AGMO: variants seen among roughly 807,000 people sequenced by gnomAD.
AGMO encodes glyceryl-ether monooxygenase.
Under a neutral mutation model 60.2 loss-of-function variants are expected in AGMO, and 75 were observed. That is an observed-to-expected ratio of 1.25 (90% CI 1.03 to 1.51). AGMO has a LOEUF of 1.51. Ranked by LOEUF, AGMO falls within the 40% of genes most tolerant of loss-of-function variation. The pLI is 0.00. For synonymous variants in AGMO, 261 were observed against 177.1 expected (o/e 1.47, Z -3.76); for missense variants, 763 against 525.5 (o/e 1.45, Z -4.42).
chr7:15,533,011 C>A (rs1011920411), intron 3 of AGMO, among the ~76,000 whole-genome samples: 2 of 152,008 alleles, frequency 1.3e-5, no homozygotes, highest in African/African-American at 2.4e-5. Flanking sequence ...ACAAAACAAA[C>A]AAAAAATCTT....
At chr7:15,531,228 T>G (rs1301147195) in intron 3 of AGMO, among the ~76,000 whole-genome samples, 1 of 83,942 alleles carries the variant, frequency 1.2e-5, no homozygotes, top group Non-Finnish European at 2.1e-5. Context: ...ATATATATTC[T>G]ATATATATAT....
intron 3 of AGMO, among the ~76,000 whole-genome samples, chr7:15,455,215 T>A (rs1781970121): frequency 6.6e-6 from 1 of 152,106 alleles, no homozygotes; most frequent in Non-Finnish European, 1.5e-5. Context: ...TGTTGTGCAC[T>A]GCTGAGCTAT....
At chr7:15,447,558 T>G (rs763763116) in intron 3 of AGMO, among the ~76,000 whole-genome samples, 3 of 152,122 alleles carry the variant, frequency 2.0e-5, no homozygotes, top group African/African-American at 4.8e-5. Context: ...CTTTTCTTTT[T>G]TCTTTTTTTT....
At chr7:15,348,677 T>C (rs760548971) in intron 12 of AGMO, among the ~76,000 whole-genome samples, 2 of 152,068 alleles carry the variant, frequency 1.3e-5, no homozygotes, top group Non-Finnish European at 2.9e-5. Context: ...TAGAAATAAA[T>C]ATGAGTATAG....
chr7:15,407,507 T>C (rs911532736), intron 5 of AGMO, among the ~76,000 whole-genome samples: 4 of 151,478 alleles, frequency 2.6e-5, no homozygotes. Context: ...AGTAGATGAC[T>C]TAAGGTGATG....
At chr7:15,395,722 A>G (rs534943068) in intron 5 of AGMO, among the ~76,000 whole-genome samples, 5 of 152,230 alleles carry the variant, frequency 3.3e-5, no homozygotes, top group Non-Finnish European at 7.3e-5. Context: ...AAAGTTTGTT[A>G]AAAATTTAAA....
At chr7:15,339,067 G>T (rs747896584) in intron 12 of AGMO, among the ~76,000 whole-genome samples, 1 of 152,152 alleles carries the variant, frequency 6.6e-6, no homozygotes, top group Admixed American at 6.5e-5. Context: ...TGTAGTAGCG[G>T]AACTGCAAGC....
intron 5 of AGMO, among the ~76,000 whole-genome samples, chr7:15,405,021 A>G (rs1369452877): frequency 6.6e-6 from 1 of 151,916 alleles, no homozygotes; most frequent in African/African-American, 2.4e-5. Context: ...TAGAATCTAT[A>G]AGGACTTACA....
intron 12 of AGMO, among the ~76,000 whole-genome samples, chr7:15,267,004 C>A (rs1483684696): frequency 6.6e-6 from 1 of 152,030 alleles, no homozygotes; most frequent in Non-Finnish European, 1.5e-5. Context: ...AAAATGGCCA[C>A]TTAGTGGAAG....
At chr7:15,399,899 CGTCT>C (rs1374186839) in intron 5 of AGMO, among the ~76,000 whole-genome samples, 1 of 152,154 alleles carries the variant, frequency 6.6e-6, no homozygotes, top group Non-Finnish European at 1.5e-5. Flanking sequence ...CTTTCTTCTC[CGTCT>C]AAGACCTTAA....
chr7:15,195,279 A>C, the AGMO span, among the ~76,000 whole-genome samples: 1 of 152,186 alleles, frequency 6.6e-6, no homozygotes, highest in African/African-American at 2.4e-5. Flanking sequence ...TGAGTTGAAG[A>C]GCAGAGGTTT....
chr7:15,394,263 ATAAAT>A (rs1562484065), intron 5 of AGMO, 84 bp from the exon 6 acceptor site: 4 of 1,051,374 alleles, frequency 3.8e-6, no homozygotes, highest in African/African-American at 1.6e-5. Context: ...AGAAACTCAC[ATAAAT>A]TAAGAGATAT....
intron 3 of AGMO, among the ~76,000 whole-genome samples, chr7:15,514,521 T>G (rs971528618): frequency 6.6e-6 from 1 of 152,114 alleles, no homozygotes; most frequent in African/African-American, 2.4e-5. Flanking sequence ...ATTAAGGAAT[T>G]TGTACACAAC....
intron 10 of AGMO, among the ~76,000 whole-genome samples, chr7:15,383,876 T>A (rs919370079): frequency 6.6e-6 from 1 of 152,184 alleles, no homozygotes; most frequent in African/African-American, 2.4e-5. Context: ...TCCATGTTTT[T>A]AATCTGTTTA....
At chr7:15,390,463 G>A (rs1445310859) in intron 8 of AGMO, among the ~76,000 whole-genome samples, 1 of 152,098 alleles carries the variant, frequency 6.6e-6, no homozygotes, top group Non-Finnish European at 1.5e-5. Context: ...AGACATATTT[G>A]AAAATTACTT....
intron 3 of AGMO, among the ~76,000 whole-genome samples, chr7:15,487,424 T>C (rs2128519761): frequency 6.6e-6 from 1 of 152,154 alleles, no homozygotes; most frequent in Non-Finnish European, 1.5e-5. Context: ...TTAAATAAAA[T>C]TGAATAATAT....
chr7:15,394,731 A>C (rs1051904397), intron 5 of AGMO, among the ~76,000 whole-genome samples: 1 of 152,202 alleles, frequency 6.6e-6, no homozygotes, highest in South Asian at 2.1e-4. Flanking sequence ...TAAATCAGCC[A>C]TGCAGCAACG....
chr7:15,400,990 T>C (rs1231569760), intron 5 of AGMO, among the ~76,000 whole-genome samples: 2 of 152,120 alleles, frequency 1.3e-5, no homozygotes, highest in Non-Finnish European at 2.9e-5. Context: ...AAAAGGTTAA[T>C]GAAACTCCCA....
chr7:15,396,760 A>C (rs982656020), intron 5 of AGMO, among the ~76,000 whole-genome samples: 2 of 151,314 alleles, frequency 1.3e-5, no homozygotes, highest in South Asian at 2.1e-4. Context: ...TTTTACGGAG[A>C]GCTGATTGGT....
Sources: gnomAD v4.1 joint callset for allele counts (sites outside exome capture counted in the v4.1 genomes callset) on GRCh38, gnomAD v4.1.1 for gene constraint, MANE v1.5 for transcripts, NCBI Gene and HGNC (gene_info 2026-07-23, HGNC 2026-07-21) for gene names.